Variants in GFRA1 observed in about 807,000 individuals in gnomAD.
The protein encoded by GFRA1 is GDNF family receptor alpha-1.
Under a neutral mutation model 51.6 loss-of-function variants are expected in GFRA1, and 16 were observed. The ratio of observed to expected loss-of-function variants is 0.31; its 90% CI spans 0.21 to 0.47. The LOEUF is 0.47. GFRA1 is among the 20% of genes least tolerant of loss of function. The pLI, the probability that GFRA1 is intolerant of heterozygous loss-of-function variation, is 1.00. For synonymous variants in GFRA1, 270 were observed against 241.3 expected, an observed-to-expected ratio of 1.12 and a Z score of -1.10; for missense variants, 530 against 594.3, an observed-to-expected ratio of 0.89 and a Z score of 1.13.
At chr10:116,162,758 A>T (rs1053794211) in intron 5 of GFRA1, among the ~76,000 whole-genome samples, 1 of 152,174 alleles carries the variant, frequency 6.6e-6, no homozygotes, top group African/African-American at 2.4e-5. Context: ...AAAACACTTT[A>T]AAGGGTGGGT....
chr10:116,065,511 C>T, intron 10 of GFRA1, 62 bp downstream of exon 10: 7 of 1,352,620 alleles, frequency 5.2e-6, no homozygotes, highest in Non-Finnish European at 2.1e-6. Context: ...ATACCCTGCC[C>T]CCAGGGGCCC....
chr10:116,203,079 C>T (rs957107550), intron 5 of GFRA1, among the ~76,000 whole-genome samples: 3 of 151,974 alleles, frequency 2.0e-5, no homozygotes, highest in African/African-American at 4.8e-5. Context: ...TATCAGGGCT[C>T]GAGGAGGTCT....
At chr10:116,197,866 C>T (rs966327990) in intron 5 of GFRA1, among the ~76,000 whole-genome samples, 1 of 152,104 alleles carries the variant, frequency 6.6e-6, no homozygotes, top group Non-Finnish European at 1.5e-5. Context: ...CTGAGGCATG[C>T]GTGGGCTTGG....
chr10:116,120,296 G>A (rs1387578858), intron 6 of GFRA1, among the ~76,000 whole-genome samples: 1 of 152,200 alleles, frequency 6.6e-6, no homozygotes, highest in Non-Finnish European at 1.5e-5. Context: ...TGGCAAAGAG[G>A]AATGCAAATG....
At chr10:116,132,112 G>A (rs1174043285) in intron 5 of GFRA1, among the ~76,000 whole-genome samples, 1 of 152,096 alleles carries the variant, frequency 6.6e-6, no homozygotes, top group African/African-American at 2.4e-5. Flanking sequence ...GGAGGCTGAG[G>A]TGGGAGGATT....
rs998662998 is a variant in GFRA1 at position 116,057,644 on chromosome 10, G to C, written c.*6754C>G. On this transcript the variant is annotated 3_prime_UTR_variant, in exon 11 of 11. Coordinates refer to ENST00000355422, the MANE Select transcript of GFRA1 (RefSeq NM_005264.8). ...TTTAAAGCAAACTCTGCAGTGAAAA[G>C]TGTTTCCCCCACTCCCTTGGGCGAG... 3.3e-5 allele frequency: 5 copies of C among 152,082 alleles called. No homozygotes were observed. Among genetic ancestry groups the C allele is most frequent in the Non-Finnish European group, 7.3e-5 (5 of 68,032 alleles). The allele number at this position is 152,082 out of a possible 1,614,324, so 9.4% of individuals were successfully genotyped here.
At chr10:116,202,994 C>G (rs1289673405) in intron 5 of GFRA1, among the ~76,000 whole-genome samples, 4 of 152,094 alleles carry the variant, frequency 2.6e-5, no homozygotes, top group African/African-American at 9.7e-5. Flanking sequence ...TTTTGAAGAA[C>G]AGGGATCAAT....
At chr10:116,253,376 G>A (rs1180498200) in intron 4 of GFRA1, among the ~76,000 whole-genome samples, 3 of 152,198 alleles carry the variant, frequency 2.0e-5, no homozygotes, top group Non-Finnish European at 2.9e-5. Context: ...AGGAAGCCAA[G>A]ATGGGTGAAT....
chr10:116,075,996 G>A (rs975317249), intron 9 of GFRA1, among the ~76,000 whole-genome samples: 4 of 152,042 alleles, frequency 2.6e-5, no homozygotes, highest in African/African-American at 4.8e-5. Flanking sequence ...CACCCACCTC[G>A]GCCTCCCAAA....
At chr10:116,225,859 G>A (rs548869779) in intron 4 of GFRA1, among the ~76,000 whole-genome samples, 1 of 152,274 alleles carries the variant, frequency 6.6e-6, no homozygotes, top group East Asian at 1.9e-4. Context: ...AAAGTGCTGG[G>A]ATTACAGGCG....
chr10:116,240,049 G>A (rs917590415), intron 4 of GFRA1, among the ~76,000 whole-genome samples: 7 of 151,854 alleles, frequency 4.6e-5, no homozygotes, highest in South Asian at 4.2e-4. Context: ...GGTGTTCGTC[G>A]ATTTCTCTAT....
intron 5 of GFRA1, among the ~76,000 whole-genome samples, chr10:116,145,360 A>G (rs1297132262): frequency 6.6e-6 from 1 of 152,064 alleles, no homozygotes; most frequent in Admixed American, 6.5e-5. Context: ...AAAGACTGTC[A>G]AGCTTAAAAA....
intron 9 of GFRA1, among the ~76,000 whole-genome samples, 198 bp downstream of exon 9, chr10:116,089,543 G>C (rs1222105826): frequency 6.6e-6 from 1 of 152,204 alleles, no homozygotes; most frequent in Admixed American, 6.5e-5. Flanking sequence ...GACAGAGTCA[G>C]TTCCATAGTC....
chr10:116,157,076 G>A (rs1959224167), intron 5 of GFRA1, among the ~76,000 whole-genome samples: 1 of 152,140 alleles, frequency 6.6e-6, no homozygotes, highest in South Asian at 2.1e-4. Context: ...CAAGGAATAA[G>A]GTAAGAACTC....
chr10:116,228,593 G>A (rs181443050), intron 4 of GFRA1, among the ~76,000 whole-genome samples: 1 of 152,238 alleles, frequency 6.6e-6, no homozygotes, highest in Admixed American at 6.5e-5. Flanking sequence ...CCTAAAGTTG[G>A]ATAATCTTCC....
chr10:116,122,104 C>T (rs1168942696), intron 6 of GFRA1, among the ~76,000 whole-genome samples: 1 of 152,118 alleles, frequency 6.6e-6, no homozygotes, highest in Non-Finnish European at 1.5e-5. Context: ...CACGGATTCA[C>T]CTTCCCAGGA....
chr10:116,236,802 C>G (rs567085664), intron 4 of GFRA1, among the ~76,000 whole-genome samples: 2 of 152,180 alleles, frequency 1.3e-5, no homozygotes, highest in Non-Finnish European at 2.9e-5. Context: ...CCTCTGCAAC[C>G]GCCTTGGTGA....
chr10:116,178,021 A>G (rs999619377), intron 5 of GFRA1, among the ~76,000 whole-genome samples: 15 of 152,094 alleles, frequency 9.9e-5, no homozygotes, highest in African/African-American at 3.6e-4. Context: ...CATTTTCAAA[A>G]TCTAGACTTT....
intron 6 of GFRA1, among the ~76,000 whole-genome samples, chr10:116,124,175 G>A (rs1173237054): frequency 6.6e-6 from 1 of 152,016 alleles, no homozygotes; most frequent in Non-Finnish European, 1.5e-5. Flanking sequence ...AAAGCGTTGG[G>A]ATTACAGGTG....
Sources: allele counts gnomAD v4.1 joint callset (sites outside exome capture counted in the v4.1 genomes callset), GRCh38; gene constraint gnomAD v4.1.1; transcripts MANE v1.5; gene names NCBI Gene and HGNC (gene_info 2026-07-23, HGNC 2026-07-21).